SHOX: variants seen among roughly 807,000 people sequenced by gnomAD.
SHOX encodes the protein SHOX homeobox, also known as short stature homeobox protein.
Under a neutral mutation model 29.6 loss-of-function variants are expected in SHOX, and 12 were observed. That is an observed-to-expected ratio of 0.41 (90% CI 0.26 to 0.66). The LOEUF (loss-of-function observed/expected upper bound fraction) is 0.66, where lower values mean the gene tolerates loss of function less well. Among genes scored for constraint, SHOX ranks in the 30% least tolerant of loss-of-function variants. The probability of loss-of-function intolerance (pLI) is 0.35; values close to 1 mark genes in which losing one functional copy is unlikely to be tolerated. For missense variants in SHOX, 499 were observed against 437.7 expected (o/e 1.14, Z -1.25); for synonymous variants, 214 against 200.6 (o/e 1.07, Z -0.57).
upstream of SHOX, among the ~76,000 whole-genome samples, chrX:627,973 A>T (rs1172331283): frequency 6.6e-6 from 1 of 152,068 alleles, no homozygotes; most frequent in Non-Finnish European, 1.5e-5. Flanking sequence ...GGCCTTTAGA[A>T]GCAGAAAAGT....
exon 6 of SHOX, chrX:659,407 G>A (rs1253699202): frequency 3.3e-5 from 5 of 152,096 alleles, no homozygotes; most frequent in African/African-American, 7.2e-5. Flanking sequence ...GGACTGTTAC[G>A]TGGATGTTCT....
chrX:652,636 T>A (rs1468481367), downstream of SHOX, among the ~76,000 whole-genome samples: 1 of 152,148 alleles, frequency 6.6e-6, no homozygotes. Flanking sequence ...CCGTTCTTCC[T>A]GCTGACTCCT....
chrX:656,501 G>A (rs1207549671), downstream of SHOX, among the ~76,000 whole-genome samples: 2 of 152,134 alleles, frequency 1.3e-5, no homozygotes, highest in African/African-American at 4.8e-5. Flanking sequence ...GAGCCCAGGA[G>A]TTCAAGACCA....
At chrX:638,081 C>T (rs1212348056) in intron 2 of SHOX, among the ~76,000 whole-genome samples, 1 of 152,096 alleles carries the variant, frequency 6.6e-6, no homozygotes, top group Non-Finnish European at 1.5e-5. Flanking sequence ...AATCGCATTA[C>T]GGCATTTGGG....
chrX:632,124 T>C (rs1244435517), intron 1 of SHOX: 4 of 389,454 alleles, frequency 1.0e-5, no homozygotes, highest in Non-Finnish European at 2.1e-5. Flanking sequence ...ACCACTCCCG[T>C]GAGCGGAGGT....
rs2053002972 is a variant in SHOX at position 648,886 on chromosome X, C to CTT, written c.*4251_*4252dup. Among the ~76,000 whole-genome samples, 1 of 95,848 alleles carries CTT rather than the reference C, an allele frequency of 1.0e-5. No individual in the cohort carries two copies. Among genetic ancestry groups the CTT allele is most frequent in the South Asian group, 3.0e-4 (1 of 3,378 alleles). The allele number at this position is 95,848 out of a possible 152,430, so 62.9% of individuals were successfully genotyped here. A position where few individuals can be genotyped will look rare whatever the true frequency, so the allele number is the denominator to read the frequency against. On this transcript the variant is annotated 3_prime_UTR_variant, in exon 5 of 5. Transcript: ENST00000686671. ...ACCACCAACGCCCTCTTCTCTCTCC[C>CTT]TTCTCCTTCCTTCCTTCCTTCCTTT...
At position 634,929 on chromosome X, in the gene SHOX, C is replaced by T; in HGVS notation, c.486+103C>T. The T allele has an allele frequency of 2.4e-6, 3 of 1,257,492 alleles. No individual in the cohort carries two copies. The Middle Eastern group carries it at 8.2e-4, about 344-fold the overall frequency. 77.9% of individuals were successfully genotyped at this position (1,257,492 alleles called of 1,614,324 possible). A position where few individuals can be genotyped will look rare whatever the true frequency, so the allele number is the denominator to read the frequency against. ...CCTGCGCCCGGGCCGCCGCCGTCCC[C>T]TTCCCGGAGCGCGGGGAGGTTGGGT... On this transcript the variant is annotated intron_variant, in intron 2 of 4. Transcript: ENST00000686671.
In SHOX at chrX:648,707, C is replaced by A. The variant is rs1161736056; in HGVS notation, c.*4071C>A. On this transcript the variant is annotated 3_prime_UTR_variant, in exon 5 of 5. Coordinates refer to ENST00000686671, the MANE Select transcript of SHOX (RefSeq NM_000451.4). ...GTCTGTGGACACTGGCTGCCTTTGG[C>A]TTTTCTCCTGCGAGAGAAGTTGGGT... is the stretch of plus-strand genomic sequence containing the variant. Among the ~76,000 whole-genome samples, 1 of 152,162 alleles carries A rather than the reference C, an allele frequency of 6.6e-6. No individual in the cohort carries two copies. Among genetic ancestry groups the A allele is most frequent in the African/African-American group, 2.4e-5 (1 of 41,452 alleles).
At chrX:628,133 A>G (rs868277373), upstream of SHOX, among the ~76,000 whole-genome samples, 30 of 43,228 alleles carry the variant, frequency 6.9e-4, no homozygotes, top group African/African-American at 1.5e-3. Context: ...CTCTCTCTGT[A>G]TCTCTATCTG....
chrX:633,899 T>A (rs1432903046), intron 1 of SHOX, among the ~76,000 whole-genome samples: 2 of 152,214 alleles, frequency 1.3e-5, no homozygotes, highest in Non-Finnish European at 2.9e-5. Flanking sequence ...CTGAGTCTTC[T>A]GCCCTTCTGA....
chrX:656,808 C>A (rs1443789887), intron 5 of SHOX, among the ~76,000 whole-genome samples: 2 of 150,268 alleles, frequency 1.3e-5, no homozygotes, highest in African/African-American at 2.4e-5. Context: ...GCGCCACTGC[C>A]CTCCAGCCTG....
rs1168989193 is a variant in SHOX at position 645,390 on chromosome X, A to ATTTTTTTTTTTT, written c.*776_*787dup. 36 of 78,364 alleles carry ATTTTTTTTTTTT rather than the reference A, an allele frequency of 4.6e-4. 3 individuals are homozygous for ATTTTTTTTTTTT. The highest frequency in any genetic ancestry group is 1.4e-3 in the East Asian group (3 of 2,110). The allele number at this position is 78,364 out of a possible 1,614,324, so 4.9% of individuals were successfully genotyped here. On this transcript the variant is annotated 3_prime_UTR_variant, in exon 5 of 5. Coordinates refer to ENST00000686671, the MANE Select transcript of SHOX (RefSeq NM_000451.4). ...GGGTCTGGTTTTGTTTTGGATTGGT[A>ATTTTTTTTTTTT]TTTTTTTTTTTTTTTTTTTTTTTTT...
At chrX:632,848 G>A (rs1159898225) in intron 1 of SHOX, among the ~76,000 whole-genome samples, 1 of 152,122 alleles carries the variant, frequency 6.6e-6, no homozygotes. Context: ...GAGGGCCTGC[G>A]TGTAATTTAA....
rs1001589675 is a variant in SHOX at position 650,809 on chromosome X, A to AC, written c.*6173_*6174insC. Among the ~76,000 whole-genome samples, 101 of 148,520 alleles carry AC rather than the reference A, an allele frequency of 6.8e-4. 1 individual carries two copies. Among genetic ancestry groups the AC allele is most frequent in the African/African-American group, 2.5e-3 (97 of 39,422 alleles). On this transcript the variant is annotated 3_prime_UTR_variant, in exon 5 of 5. Coordinates refer to ENST00000686671, the MANE Select transcript of SHOX (RefSeq NM_000451.4). The stretch of plus-strand genomic sequence containing the variant: ...TTTGACATTAAAAAAAAAAAAAAAA[A>AC]AAAAAAAAAACTGGTGCCTAATTTA...
At chrX:635,589 C>A (rs912147550) in intron 2 of SHOX, among the ~76,000 whole-genome samples, 13 of 152,202 alleles carry the variant, frequency 8.5e-5, no homozygotes, top group Non-Finnish European at 1.8e-4. Flanking sequence ...GGCACGGGGG[C>A]TCCCCGAGGA....
chrX:648,964 TC>T lies in SHOX; in HGVS notation c.*4330del, dbSNP rs1208869350. On this transcript the variant is annotated 3_prime_UTR_variant, in exon 5 of 5. Transcript: ENST00000686671. ...TTTCTTTTCTTTCTTTCTGTTTCTT[TC>T]CTTTTTATCTTTCTCTCTTTTTCTT... Among the ~76,000 whole-genome samples, 5 of 151,238 alleles carry T rather than the reference TC, an allele frequency of 3.3e-5. No individual in the cohort carries two copies. The highest frequency in any genetic ancestry group is 1.5e-5 in the Non-Finnish European group (1 of 67,830).
intron 2 of SHOX, among the ~76,000 whole-genome samples, chrX:639,830 C>T (rs188562655): frequency 6.1e-4 from 91 of 149,566 alleles, no homozygotes; most frequent in African/African-American, 2.1e-3. Flanking sequence ...GGTGAAACCC[C>T]GTCTCTACTA....
chrX:624,889 T>TC (rs767667303), intron 1 of SHOX, among the ~76,000 whole-genome samples: 14,535 of 89,040 alleles, frequency 0.16, 1,323 homozygotes, highest in African/African-American at 0.34. Context: ...TTTCTTTCTT[T>TC]CTTTCTTTCT....
chrX:629,236 T>C, upstream of SHOX, among the ~76,000 whole-genome samples: 1 of 151,348 alleles, frequency 6.6e-6, no homozygotes, highest in African/African-American at 2.4e-5. Flanking sequence ...TTTCTCTCTC[T>C]CCATCTCTCT....
Sources: gnomAD v4.1 joint callset for allele counts (sites outside exome capture counted in the v4.1 genomes callset) on GRCh38, gnomAD v4.1.1 for gene constraint, MANE v1.5 for transcripts, NCBI Gene and HGNC (gene_info 2026-07-23, HGNC 2026-07-21) for gene names.